The following BTBD9 variants were observed in gnomAD, a reference collection of about 807,000 sequenced individuals.
The protein encoded by BTBD9 is BTB domain containing 9.
A neutral mutation model predicts 64.3 loss-of-function variants in BTBD9; 49 were observed. The ratio of observed to expected loss-of-function variants is 0.76; its 90% CI spans 0.61 to 0.97. The LOEUF is 0.97. Among genes scored for constraint, BTBD9 ranks in the 50% least tolerant of loss-of-function variants. The pLI, the probability that BTBD9 is intolerant of heterozygous loss-of-function variation, is 0.00. For missense variants in BTBD9, 598 were observed against 762.1 expected, an observed-to-expected ratio of 0.78 and a Z score of 2.53; for synonymous variants, 260 against 274.7, an observed-to-expected ratio of 0.95 and a Z score of 0.53.
chr6:38,406,513 G>A (rs1767171642), intron 6 of BTBD9, among the ~76,000 whole-genome samples: 1 of 152,182 alleles, frequency 6.6e-6, no homozygotes, highest in African/African-American at 2.4e-5. Context: ...ACAGTAAGGA[G>A]TTGGCATTCC....
rs376754605 is a variant in BTBD9, at chr6:38,488,004, C to G, written c.1154+89596G>C. On this transcript the variant is annotated intron_variant, in intron 6 of 10. Coordinates refer to ENST00000481247, the MANE Select transcript of BTBD9 (RefSeq NM_001099272.2). The stretch of plus-strand genomic sequence containing the variant: ...ATAGGTGTAATAGAGAATAAAGTCC[C>G]TAGTTAGAAAAAGCAATTCCCTAAA... Among the ~76,000 whole-genome samples the G allele has an allele frequency of 3.8e-4, 58 of 152,202 alleles. 1 individual carries two copies. The highest frequency in any genetic ancestry group is 3.4e-3 in the Middle Eastern group (1 of 294).
chr6:38,532,790 C>G (rs1363019073), intron 6 of BTBD9, among the ~76,000 whole-genome samples: 1 of 151,910 alleles, frequency 6.6e-6, no homozygotes, highest in East Asian at 2.0e-4. Flanking sequence ...AATACCCAGG[C>G]AGTATGCCAT....
At chr6:38,411,645 T>A (rs1281448719) in intron 6 of BTBD9, among the ~76,000 whole-genome samples, 2 of 151,608 alleles carry the variant, frequency 1.3e-5, no homozygotes, top group Non-Finnish European at 2.9e-5. Context: ...ATATTAAGCA[T>A]AAAAAAAATG....
chr6:38,427,309 G>T (rs1269879553), intron 6 of BTBD9, among the ~76,000 whole-genome samples: 2 of 151,796 alleles, frequency 1.3e-5, no homozygotes, highest in Non-Finnish European at 2.9e-5. Flanking sequence ...GGGCAACACA[G>T]CAAGACCTCC....
intron 6 of BTBD9, among the ~76,000 whole-genome samples, chr6:38,377,229 T>G (rs1437595378): frequency 6.6e-6 from 1 of 152,198 alleles, no homozygotes; most frequent in Non-Finnish European, 1.5e-5. Context: ...GAAGCTGAAG[T>G]TTATTATATA....
intron 6 of BTBD9, among the ~76,000 whole-genome samples, chr6:38,529,692 T>C (rs1773694869): frequency 1.3e-5 from 2 of 152,230 alleles, no homozygotes; most frequent in Admixed American, 6.5e-5. Flanking sequence ...ATAATAACTT[T>C]TGTAATTTCT....
At chr6:38,632,297 T>TA (rs1332829305) in intron 1 of BTBD9, among the ~76,000 whole-genome samples, 1 of 152,252 alleles carries the variant, frequency 6.6e-6, no homozygotes, top group Non-Finnish European at 1.5e-5. Flanking sequence ...CAAAGATAGT[T>TA]ACAGTCTATA....
At chr6:38,517,937 G>C (rs1773110696) in intron 6 of BTBD9, among the ~76,000 whole-genome samples, 1 of 152,098 alleles carries the variant, frequency 6.6e-6, no homozygotes, top group Non-Finnish European at 1.5e-5. Flanking sequence ...GAGAACCCAA[G>C]GCTTAGCCAC....
intron 9 of BTBD9, among the ~76,000 whole-genome samples, chr6:38,236,137 A>C (rs1319896997): frequency 6.6e-6 from 1 of 152,186 alleles, no homozygotes; most frequent in Non-Finnish European, 1.5e-5. Flanking sequence ...TTAAGAAATA[A>C]TAAAAACAGC....
chr6:38,409,913 C>T (rs1767335277), intron 6 of BTBD9, among the ~76,000 whole-genome samples: 2 of 151,994 alleles, frequency 1.3e-5, no homozygotes, highest in South Asian at 2.1e-4. Flanking sequence ...GAGTATAAAA[C>T]CAAAAACAAG....
At chr6:38,275,148 AG>A (rs1765337720) in intron 8 of BTBD9, among the ~76,000 whole-genome samples, 1 of 152,224 alleles carries the variant, frequency 6.6e-6, no homozygotes, top group Non-Finnish European at 1.5e-5. Context: ...TCCAAAACAG[AG>A]ATATAGATCA....
chr6:38,424,519 A>T (rs1768056214), intron 6 of BTBD9, among the ~76,000 whole-genome samples: 1 of 151,842 alleles, frequency 6.6e-6, no homozygotes, highest in African/African-American at 2.4e-5. Flanking sequence ...ATATTTTTAA[A>T]TTTTTTATTC....
intron 1 of BTBD9, among the ~76,000 whole-genome samples, chr6:38,635,061 T>C (rs1778483419): frequency 6.6e-6 from 1 of 152,088 alleles, no homozygotes. Context: ...CAAGCCCCAG[T>C]CCACACCTAC....
chr6:38,384,423 T>C (rs2127617373), intron 6 of BTBD9, among the ~76,000 whole-genome samples: 1 of 152,318 alleles, frequency 6.6e-6, no homozygotes, highest in South Asian at 2.1e-4. Flanking sequence ...AATCCCTTTT[T>C]ATCTTTCCTC....
At chr6:38,597,802 A>C in intron 2 of BTBD9, 108 bp downstream of exon 2, 1 of 878,344 alleles carries the variant, frequency 1.1e-6, no homozygotes, top group African/African-American at 1.7e-5. Flanking sequence ...GAATTGAGAG[A>C]CTGCAAGACT....
intron 8 of BTBD9, among the ~76,000 whole-genome samples, chr6:38,278,100 A>G (rs1419540681): frequency 1.3e-5 from 2 of 152,220 alleles, no homozygotes; most frequent in Non-Finnish European, 2.9e-5. Context: ...GTAGGCTTTT[A>G]TCCTTGTATC....
At chr6:38,434,565 A>C (rs1341977282) in intron 6 of BTBD9, among the ~76,000 whole-genome samples, 6 of 151,784 alleles carry the variant, frequency 4.0e-5, no homozygotes, top group Admixed American at 6.6e-5. Flanking sequence ...CTGCACCTCA[A>C]CCACCTTGGG....
In BTBD9 at chr6:38,562,947, T is replaced by A. The variant is rs536908640; in HGVS notation, c.1154+14653A>T. On this transcript the variant is annotated intron_variant, in intron 6 of 10. Coordinates refer to ENST00000481247, the MANE Select transcript of BTBD9 (RefSeq NM_001099272.2). ...ACCACTACTGTATCAGTAAAACTGC[T>A]CCTGCCAAGGTGAACCATGCACTGA... Among the ~76,000 whole-genome samples, 3 of 152,314 alleles carry A rather than the reference T, an allele frequency of 2.0e-5. No individual in the cohort carries two copies. The East Asian group carries it at 5.8e-4, about 29-fold the overall frequency.
intron 6 of BTBD9, among the ~76,000 whole-genome samples, chr6:38,376,388 GA>G (rs1267813128): frequency 6.6e-6 from 1 of 151,780 alleles, no homozygotes; most frequent in East Asian, 1.9e-4. Context: ...AGGGAATTGA[GA>G]AAAAAATACA....
Sources: allele counts gnomAD v4.1 joint callset (sites outside exome capture counted in the v4.1 genomes callset), GRCh38; gene constraint gnomAD v4.1.1; transcripts MANE v1.5; gene names NCBI Gene and HGNC (gene_info 2026-07-23, HGNC 2026-07-21).